The following CHIC2 variants were observed in gnomAD, a reference collection of about 807,000 sequenced individuals.
CHIC2 encodes cysteine rich hydrophobic domain 2.
In CHIC2, 14 loss-of-function variants were observed where a neutral mutation model predicts 25.9. That is an observed-to-expected ratio of 0.54 (90% CI 0.36 to 0.85). The LOEUF is 0.85. CHIC2 is among the 40% of genes least tolerant of loss of function. The pLI is 0.01. For missense variants in CHIC2, 146 were observed against 202.0 expected (o/e 0.72, Z 1.68); for synonymous variants, 70 against 72.0 (o/e 0.97, Z 0.14).
upstream of CHIC2, chr4:54,065,238 A>ATT (rs368744053): frequency 0.013 from 8,450 of 641,686 alleles, no homozygotes; most frequent in Middle Eastern, 0.018. Flanking sequence ...CGATGCTGGT[A>ATT]TTTTTTTTTT....
chr4:54,075,459 T>A, the CHIC2 span, among the ~76,000 whole-genome samples: 1 of 152,202 alleles, frequency 6.6e-6, no homozygotes, highest in African/African-American at 2.4e-5. Flanking sequence ...CATTGGAGGA[T>A]ATTTGGATAT....
the CHIC2 span, among the ~76,000 whole-genome samples, chr4:54,084,453 G>A: frequency 5.3e-5 from 8 of 151,226 alleles, no homozygotes; most frequent in African/African-American, 2.0e-4. Flanking sequence ...GGCCCATATT[G>A]TTTGGAATCT....
intron 1 of CHIC2, among the ~76,000 whole-genome samples, chr4:54,054,377 C>T (rs75091516): frequency 0.02 from 3,014 of 152,294 alleles, 69 homozygotes; most frequent in Non-Finnish European, 0.033. Context: ...ATGTTTTGAA[C>T]TCATAACGAA....
chr4:54,041,244 T>A (rs1716568682), intron 3 of CHIC2, among the ~76,000 whole-genome samples: 2 of 151,852 alleles, frequency 1.3e-5, no homozygotes, highest in East Asian at 3.9e-4. Context: ...GCATATCAAG[T>A]ATGCCTTTGG....
chr4:54,067,924 C>CA (rs970557222), upstream of CHIC2, among the ~76,000 whole-genome samples: 7 of 150,604 alleles, frequency 4.6e-5, no homozygotes, highest in African/African-American at 7.3e-5. Flanking sequence ...TTTTGTCCCC[C>CA]CCCCCAAATT....
At chr4:54,071,587 C>A in the CHIC2 span, among the ~76,000 whole-genome samples, 1 of 152,254 alleles carries the variant, frequency 6.6e-6, no homozygotes, top group Admixed American at 6.5e-5. Flanking sequence ...CTATGCTACA[C>A]TGGTCTTAAA....
intron 3 of CHIC2, among the ~76,000 whole-genome samples, chr4:54,030,665 A>G (rs1177882112): frequency 6.9e-6 from 1 of 144,780 alleles, no homozygotes; most frequent in Admixed American, 6.9e-5. Flanking sequence ...CTAAAATGCT[A>G]ATTTTTTTTT....
intron 1 of CHIC2, among the ~76,000 whole-genome samples, chr4:54,056,507 G>C (rs1717180677): frequency 6.6e-6 from 1 of 152,116 alleles, no homozygotes; most frequent in Admixed American, 6.6e-5. Flanking sequence ...CAAGAAAGGA[G>C]ACTGGGTACA....
intron 3 of CHIC2, among the ~76,000 whole-genome samples, chr4:54,035,946 C>A (rs1716370278): frequency 6.6e-6 from 1 of 152,102 alleles, no homozygotes; most frequent in African/African-American, 2.4e-5. Context: ...CTTTTGATTT[C>A]TTTGACCAAT....
Position 54,049,003 on chromosome 4 carries a change from G to A in CHIC2, c.282C>T (p.Cys94=), listed in dbSNP as rs746350190. The A allele has an allele frequency of 1.2e-5, 20 of 1,605,644 alleles. 1 individual carries two copies. The South Asian group carries it at 2.1e-4, about 17-fold the overall frequency. The change falls in exon 3 of 6, where the codon TGC becomes TGT. Residue 94 remains cysteine (C), a synonymous_variant. Coordinates refer to ENST00000263921, the MANE Select transcript of CHIC2 (RefSeq NM_012110.4). The stretch of plus-strand genomic sequence containing the variant: ...GCCACATACTGCAACCTAATGTGCA[G>A]CAGCAACAAAGGCAGCCACAAAGTA... The part of the protein sequence containing the change: ...RWLLCGCLCC[C]CTLGCSMWPV...
intron 1 of CHIC2, chr4:54,060,045 T>C: frequency 6.6e-6 from 1 of 152,358 alleles, no homozygotes; most frequent in Non-Finnish European, 1.5e-5. Context: ...ATTCTGTAAT[T>C]TGGCAACTCA....
intron 1 of CHIC2, chr4:54,061,173 T>C (rs1717320668): frequency 6.6e-6 from 1 of 152,164 alleles, no homozygotes; most frequent in Non-Finnish European, 1.5e-5. Flanking sequence ...AAGCAGACTT[T>C]AGGCAAATTA....
intron 1 of CHIC2, among the ~76,000 whole-genome samples, chr4:54,053,182 A>G (rs1232297222): frequency 6.6e-6 from 1 of 152,208 alleles, no homozygotes; most frequent in African/African-American, 2.4e-5. Flanking sequence ...CATGATATTA[A>G]CTGAAAAGAA....
At chr4:54,026,871 T>A (rs190588525) in intron 3 of CHIC2, among the ~76,000 whole-genome samples, 6 of 152,352 alleles carry the variant, frequency 3.9e-5, no homozygotes, top group African/African-American at 1.4e-4. Context: ...TTCAATTATA[T>A]TTTACATACA....
intron 3 of CHIC2, among the ~76,000 whole-genome samples, chr4:54,045,080 T>C (rs1220887504): frequency 1.3e-5 from 2 of 151,806 alleles, no homozygotes; most frequent in African/African-American, 2.4e-5. Context: ...ACACATACAC[T>C]CTCCCAAGAC....
the CHIC2 span, among the ~76,000 whole-genome samples, chr4:54,081,893 G>C: frequency 1.4e-4 from 22 of 152,140 alleles, no homozygotes; most frequent in Non-Finnish European, 2.9e-5. Flanking sequence ...CAAATGTTTT[G>C]TGGAGAAGCC....
At chr4:54,011,828 T>C (rs1715599923) in intron 5 of CHIC2, among the ~76,000 whole-genome samples, 1 of 151,766 alleles carries the variant, frequency 6.6e-6, no homozygotes, top group African/African-American at 2.4e-5. Context: ...AGGTGGAATA[T>C]ATATATATAT....
intron 1 of CHIC2, among the ~76,000 whole-genome samples, chr4:54,050,654 A>G (rs1433583260): frequency 6.6e-6 from 1 of 152,118 alleles, no homozygotes; most frequent in Non-Finnish European, 1.5e-5. Flanking sequence ...TAGATACACA[A>G]AAACTTACCA....
At chr4:54,037,060 A>G (rs529800984) in intron 3 of CHIC2, among the ~76,000 whole-genome samples, 70 of 152,270 alleles carry the variant, frequency 4.6e-4, no homozygotes, top group African/African-American at 1.6e-3. Context: ...TCAAAATCAT[A>G]GTAAGTAAAA....
Sources: gnomAD v4.1 joint callset for allele counts (sites outside exome capture counted in the v4.1 genomes callset) on GRCh38, gnomAD v4.1.1 for gene constraint, MANE v1.5 for transcripts, NCBI Gene and HGNC (gene_info 2026-07-23, HGNC 2026-07-21) for gene names.